Variants in LONRF1 observed in about 807,000 individuals in gnomAD.
LONRF1 encodes the protein LON peptidase N-terminal domain and RING finger protein 1.
A neutral mutation model predicts 85.8 loss-of-function variants in LONRF1; 37 were observed. That is an observed-to-expected ratio of 0.43 (90% CI 0.33 to 0.57). LONRF1 has a LOEUF of 0.57. LONRF1 is among the 20% of genes least tolerant of loss of function. The pLI is 0.04. For synonymous variants in LONRF1, 517 were observed against 390.1 expected, an observed-to-expected ratio of 1.33 and a Z score of -3.83; for missense variants, 1,036 against 978.0, an observed-to-expected ratio of 1.06 and a Z score of -0.79.
At chr8:12,738,856 CT>C (rs1798822076) in intron 3 of LONRF1, 1 of 152,108 alleles carries the variant, frequency 6.6e-6, no homozygotes, top group Admixed American at 6.5e-5. Flanking sequence ...GTCAAACAAT[CT>C]GTATTTATAG....
rs917520592 is a variant in LONRF1 at position 12,725,615 on chromosome 8, G to C, written c.2163+112C>G. The C allele has an allele frequency of 2.0e-4, 209 of 1,032,284 alleles. 2 individuals are homozygous for C. In the East Asian group the frequency reaches 5.1e-3, roughly 25 times the overall value. 63.9% of individuals were successfully genotyped at this position (1,032,284 alleles called of 1,614,324 possible). A position where few individuals can be genotyped will look rare whatever the true frequency, so the allele number is the denominator to read the frequency against. On this transcript the variant is annotated intron_variant, in intron 11 of 11. Transcript: ENST00000398246. ...GAGGTGGGGCTGGTGCGGGGGAGGGGACAGTCAAAGAAAAAGTAGTGCAGA... is the reference window on the plus strand; with the variant it reads ...GAGGTGGGGCTGGTGCGGGGGAGGGCACAGTCAAAGAAAAAGTAGTGCAGA...
In LONRF1 at chr8:12,722,876, C is replaced by T. The variant is rs894247899; in HGVS notation, c.*220G>A. On this transcript the variant is annotated 3_prime_UTR_variant, in exon 12 of 12. Coordinates refer to ENST00000398246, the MANE Select transcript of LONRF1 (RefSeq NM_152271.5). ...AGTGCAACTTCACAATGTAGAGGTTCGACACACATTCAATGCGTGTTTTTC... is the reference window on the plus strand; with the variant it reads ...AGTGCAACTTCACAATGTAGAGGTTTGACACACATTCAATGCGTGTTTTTC... 14 of 464,690 alleles carry T rather than the reference C, an allele frequency of 3.0e-5. No individual in the cohort carries two copies. Among genetic ancestry groups the T allele is most frequent in the African/African-American group, 1.6e-4 (8 of 51,238 alleles). The allele number at this position is 464,690 out of a possible 1,614,324, so 28.8% of individuals were successfully genotyped here. A position where few individuals can be genotyped will look rare whatever the true frequency, so the allele number is the denominator to read the frequency against.
intron 6 of LONRF1, chr8:12,735,608 AG>A (rs1334261716): frequency 1.9e-6 from 1 of 526,010 alleles, no homozygotes; most frequent in Non-Finnish European, 3.4e-6. Flanking sequence ...CTCCTGCCAA[AG>A]GCCTAGAGCC....
In LONRF1 at chr8:12,722,172, ACTT is replaced by A. The variant is rs1805913525; in HGVS notation, c.*921_*923del. On this transcript the variant is annotated 3_prime_UTR_variant, in exon 12 of 12. Transcript: ENST00000398246. ...CTTTAAAAGCTTAGTTCTATATTAA[ACTT>A]CTTCTCTTTTCCCAGATCCTTAATG... The A allele has an allele frequency of 6.6e-6, 1 of 152,518 alleles. No individual in the cohort carries two copies. 9.4% of individuals were successfully genotyped at this position (152,518 alleles called of 1,614,324 possible). A position where few individuals can be genotyped will look rare whatever the true frequency, so the allele number is the denominator to read the frequency against.
chr8:12,728,500 C>T (rs1195085661), intron 10 of LONRF1, among the ~76,000 whole-genome samples: 2 of 152,208 alleles, frequency 1.3e-5, no homozygotes, highest in Admixed American at 6.5e-5. Flanking sequence ...ATTCCATCGG[C>T]TTCAACTACT....
rs758543808 is a variant in LONRF1 at position 12,736,779 on chromosome 8, C to G, written c.1373G>C (p.Cys458Ser). 1.9e-6 allele frequency: 3 copies of G among 1,609,100 alleles called. No homozygotes were observed. The highest frequency in any genetic ancestry group is 3.4e-5 in the Admixed American group (2 of 59,168). Residue 458 changes from cysteine (C) to serine (S), a missense_variant, in exon 6 of 12, where the codon TGT becomes TCT. Physicochemically the swap from Cys to Ser is moderately radical, Grantham distance 112. Transcript: ENST00000398246. ...ATCACCATAAGCTAAGGAAAACATA[C>G]AGACTTCATTGGGAGTTTCTATTAA... is the stretch of plus-strand genomic sequence containing the variant. The part of the protein sequence containing the change: ...KKQGETPNEV[C>S]MFSLAYGDIP...
At chr8:12,742,430 T>A (rs534589109) in intron 2 of LONRF1, among the ~76,000 whole-genome samples, 12 of 152,330 alleles carry the variant, frequency 7.9e-5, no homozygotes, top group Admixed American at 7.2e-4. Context: ...AAAAGCCACA[T>A]GGGCAAGGCA....
At chr8:12,749,856 G>T (rs1003383592) in intron 1 of LONRF1, among the ~76,000 whole-genome samples, 13 of 152,096 alleles carry the variant, frequency 8.5e-5, no homozygotes, top group African/African-American at 3.1e-4. Flanking sequence ...TTTTCAATTT[G>T]CTGCAATTAC....
intron 1 of LONRF1, among the ~76,000 whole-genome samples, chr8:12,746,021 C>A (rs183243872): frequency 6.6e-6 from 1 of 152,290 alleles, no homozygotes; most frequent in East Asian, 1.9e-4. Flanking sequence ...ACCAAAAAAG[C>A]ATTTTTCATT....
intron 8 of LONRF1, 97 bp downstream of exon 8, chr8:12,731,639 C>G: frequency 2.0e-6 from 2 of 1,018,168 alleles, no homozygotes; most frequent in South Asian, 3.5e-5. Flanking sequence ...CTTGACTAGA[C>G]TGAGATGAAC....
chr8:12,724,813 A>G (rs1483682542), intron 11 of LONRF1, among the ~76,000 whole-genome samples: 3 of 152,236 alleles, frequency 2.0e-5, no homozygotes, highest in Non-Finnish European at 4.4e-5. Context: ...ATAATATGCT[A>G]AACAGAATGA....
In LONRF1 at chr8:12,736,929, T is replaced by A; in HGVS notation, c.1325A>T (p.Asp442Val). 1 of 1,611,466 alleles carries A rather than the reference T, an allele frequency of 6.2e-7. No homozygotes were observed. The highest frequency in any genetic ancestry group is 8.5e-7 in the Non-Finnish European group (1 of 1,179,006). ...TTGTTTTTTCAGCTTATTTCTTCCA[T>A]CTTCATTTACAATCACATCCTGTTC... is the stretch of plus-strand genomic sequence containing the variant. ...LLEQDVIVNEDGRNKLKKQGE... is the reference protein window; with the variant it reads ...LLEQDVIVNEVGRNKLKKQGE... Residue 442 changes from aspartate to valine, a missense_variant, in exon 5 of 12, where the codon GAT becomes GTT. Coordinates refer to ENST00000398246, the MANE Select transcript of LONRF1 (RefSeq NM_152271.5).
At chr8:12,745,539 A>C (rs982044912) in intron 1 of LONRF1, among the ~76,000 whole-genome samples, 2 of 152,142 alleles carry the variant, frequency 1.3e-5, no homozygotes, top group African/African-American at 2.4e-5. Context: ...TCATTAACTT[A>C]AGTTTGAAAG....
intron 2 of LONRF1, among the ~76,000 whole-genome samples, chr8:12,742,915 G>T (rs544282994): frequency 6.6e-6 from 1 of 152,104 alleles, no homozygotes; most frequent in East Asian, 1.9e-4. Flanking sequence ...TTGTAGAGAT[G>T]GGGTTTCAAC....
intron 6 of LONRF1, 70 bp downstream of exon 6, chr8:12,736,631 C>CACGGTAT: frequency 9.6e-7 from 1 of 1,042,928 alleles, no homozygotes; most frequent in East Asian, 2.5e-5. Flanking sequence ...CTATTATTAC[C>CACGGTAT]TTTATCTACA....
intron 1 of LONRF1, among the ~76,000 whole-genome samples, chr8:12,751,296 GTTT>G (rs869038024): frequency 2.7e-4 from 19 of 69,534 alleles, no homozygotes; most frequent in African/African-American, 8.2e-4. Flanking sequence ...TTATTTTTAT[GTTT>G]TTTTTTTTTT....
chr8:12,729,499 C>T (rs2117240068), intron 8 of LONRF1, 167 bp from the exon 9 acceptor site: 4 of 616,468 alleles, frequency 6.5e-6, no homozygotes, highest in Middle Eastern at 4.5e-4. Flanking sequence ...GAATCAGCAC[C>T]CCGTTCACTA....
intron 10 of LONRF1, among the ~76,000 whole-genome samples, chr8:12,726,974 T>C (rs1483164948): frequency 1.3e-5 from 2 of 152,066 alleles, no homozygotes; most frequent in African/African-American, 4.8e-5. Flanking sequence ...TCTATGTATA[T>C]TTTACCACAA....
At position 12,731,913 on chromosome 8, in the gene LONRF1, G is replaced by C. The variant is rs954661139; in HGVS notation, c.1567-56C>G. 7.9e-6 allele frequency: 12 copies of C among 1,522,156 alleles called. No individual in the cohort carries two copies. In the Admixed American group the frequency reaches 1.5e-4, roughly 19 times the overall value. The allele number at this position is 1,522,156 out of a possible 1,614,324, so 94.3% of individuals were successfully genotyped here. On this transcript the variant is annotated intron_variant, in intron 7 of 11. Coordinates refer to ENST00000398246, the MANE Select transcript of LONRF1 (RefSeq NM_152271.5). Reference sequence around the variant, plus strand: ...AGTGGTTTTCCTACAGTATAAAACAGGCAACACAGTTAACTGATATATTAA... The same window carrying C: ...AGTGGTTTTCCTACAGTATAAAACACGCAACACAGTTAACTGATATATTAA...
Sources: gnomAD v4.1 joint callset for allele counts (sites outside exome capture counted in the v4.1 genomes callset) on GRCh38, gnomAD v4.1.1 for gene constraint, MANE v1.5 for transcripts, NCBI Gene and HGNC (gene_info 2026-07-23, HGNC 2026-07-21) for gene names.